The following POFUT3 variants were observed in gnomAD, a reference collection of about 807,000 sequenced individuals.
POFUT3 encodes GDP-fucose protein O-fucosyltransferase 3.
chr8:33,419,338 C>A, the POFUT3 span, among the ~76,000 whole-genome samples: 1 of 152,310 alleles, frequency 6.6e-6, no homozygotes, highest in Non-Finnish European at 1.5e-5. Context: ...TTTCCACAGA[C>A]TGGGGTGGTG....
At chr8:33,342,166 AAG>A in the POFUT3 span, among the ~76,000 whole-genome samples, 3 of 151,970 alleles carry the variant, frequency 2.0e-5, no homozygotes, top group African/African-American at 4.8e-5. Context: ...GGGAGACAGA[AAG>A]AGAGACTTTG....
the POFUT3 span, among the ~76,000 whole-genome samples, chr8:33,397,595 T>G: frequency 6.6e-6 from 1 of 152,296 alleles, no homozygotes; most frequent in South Asian, 2.1e-4. Context: ...CAAAGTCAGT[T>G]CGGAGTCCCA....
At chr8:33,344,497 C>A in the POFUT3 span, among the ~76,000 whole-genome samples, 2 of 152,346 alleles carry the variant, frequency 1.3e-5, no homozygotes, top group South Asian at 4.1e-4. Context: ...TCACAGAGCC[C>A]CCTCTGAAAG....
chr8:33,358,161 G>C, the POFUT3 span, among the ~76,000 whole-genome samples: 1 of 152,238 alleles, frequency 6.6e-6, no homozygotes, highest in Non-Finnish European at 1.5e-5. Flanking sequence ...GCTGAGGTGA[G>C]AGAATCACCT....
At chr8:33,327,934 T>C in the POFUT3 span, among the ~76,000 whole-genome samples, 1 of 152,218 alleles carries the variant, frequency 6.6e-6, no homozygotes, top group African/African-American at 2.4e-5. Context: ...TCATGTCTCA[T>C]GGCAACATTA....
At chr8:33,319,908 A>G in the POFUT3 span, among the ~76,000 whole-genome samples, 1 of 148,578 alleles carries the variant, frequency 6.7e-6, no homozygotes, top group South Asian at 2.1e-4. Flanking sequence ...TGAGTTACTG[A>G]TCAGCTCTTG....
the POFUT3 span, among the ~76,000 whole-genome samples, chr8:33,410,852 A>C: frequency 6.6e-6 from 1 of 152,256 alleles, no homozygotes; most frequent in East Asian, 1.9e-4. Context: ...CTCCTCTGCA[A>C]CCTGAAAGCA....
At chr8:33,361,716 G>A in the POFUT3 span, among the ~76,000 whole-genome samples, 31 of 152,020 alleles carry the variant, frequency 2.0e-4, no homozygotes, top group East Asian at 7.7e-4. Flanking sequence ...TATAGAATAC[G>A]TTAACAAATT....
the POFUT3 span, among the ~76,000 whole-genome samples, chr8:33,380,017 A>ATG: frequency 5.5e-4 from 28 of 50,474 alleles, 5 homozygotes; most frequent in African/African-American, 2.5e-3. Flanking sequence ...TATATATAGT[A>ATG]TATATATATA....
chr8:33,436,018 CCA>C, the POFUT3 span, among the ~76,000 whole-genome samples: 2 of 151,978 alleles, frequency 1.3e-5, no homozygotes, highest in African/African-American at 2.4e-5. Context: ...ACAGCCCCCA[CCA>C]CAGTTTCTGC....
the POFUT3 span, among the ~76,000 whole-genome samples, chr8:33,326,702 T>A: frequency 6.6e-6 from 1 of 152,158 alleles, no homozygotes; most frequent in Non-Finnish European, 1.5e-5. Context: ...TGCCTGACTT[T>A]AGAGATGGGA....
At chr8:33,386,061 C>T in the POFUT3 span, among the ~76,000 whole-genome samples, 1 of 151,354 alleles carries the variant, frequency 6.6e-6, no homozygotes, top group Non-Finnish European at 1.5e-5. Context: ...TGGTGGCATG[C>T]GCTTGTAATC....
chr8:33,349,811 G>A, the POFUT3 span, among the ~76,000 whole-genome samples: 1 of 152,168 alleles, frequency 6.6e-6, no homozygotes, highest in South Asian at 2.1e-4. Flanking sequence ...TAGCGGGATT[G>A]CTGGATCAAA....
the POFUT3 span, among the ~76,000 whole-genome samples, chr8:33,420,892 C>T: frequency 4.0e-5 from 6 of 150,904 alleles, no homozygotes; most frequent in African/African-American, 7.3e-5. Flanking sequence ...AACATCACTA[C>T]GTATCCCATG....
At chr8:33,352,976 G>A in the POFUT3 span, among the ~76,000 whole-genome samples, 4 of 152,216 alleles carry the variant, frequency 2.6e-5, no homozygotes, top group Non-Finnish European at 5.9e-5. Context: ...GAGAAGCTGT[G>A]CACAGCCTGA....
the POFUT3 span, among the ~76,000 whole-genome samples, chr8:33,340,588 A>G: frequency 1.3e-5 from 2 of 151,920 alleles, no homozygotes; most frequent in African/African-American, 4.8e-5. Context: ...AAGGATGTTT[A>G]AAAAAAAGAT....
the POFUT3 span, chr8:33,436,140 T>C: frequency 1.1e-5 from 13 of 1,170,244 alleles, no homozygotes; most frequent in African/African-American, 1.6e-5. Context: ...GAAGAGAAGG[T>C]CTCAACTTAG....
At chr8:33,426,763 G>A in the POFUT3 span, among the ~76,000 whole-genome samples, 1 of 152,194 alleles carries the variant, frequency 6.6e-6, no homozygotes, top group Non-Finnish European at 1.5e-5. Flanking sequence ...GGGCCTGGAA[G>A]CCGTGTAATT....
At chr8:33,472,331 C>T in the POFUT3 span, among the ~76,000 whole-genome samples, 114 of 152,252 alleles carry the variant, frequency 7.5e-4, no homozygotes, top group African/African-American at 2.6e-3. Flanking sequence ...AAAAGTCATT[C>T]TGTGTGACAT....
Sources: gnomAD v4.1 joint callset for allele counts (sites outside exome capture counted in the v4.1 genomes callset) on GRCh38, gnomAD v4.1.1 for gene constraint, MANE v1.5 for transcripts, NCBI Gene and HGNC (gene_info 2026-07-23, HGNC 2026-07-21) for gene names.